The following BOD1L1 variants were observed in gnomAD, a reference collection of about 807,000 sequenced individuals.
BOD1L1 encodes the protein biorientation of chromosomes in cell division protein 1-like 1.
BOD1L1 carries 86 observed loss-of-function variants against 240.7 expected under a neutral mutation model. That is an observed-to-expected ratio of 0.36 (90% confidence interval 0.30 to 0.43). The LOEUF (loss-of-function observed/expected upper bound fraction) is 0.43, where lower values mean the gene tolerates loss of function less well. Ranked by LOEUF, BOD1L1 falls within the 20% of genes least tolerant of loss-of-function variation. The probability of loss-of-function intolerance (pLI) is 1.00; values close to 1 mark genes in which losing one functional copy is unlikely to be tolerated. For synonymous variants in BOD1L1, 1,268 were observed against 1,272.3 expected, an observed-to-expected ratio of 1.00 and a Z score of 0.07; for missense variants, 3,554 against 3,643.5, an observed-to-expected ratio of 0.98 and a Z score of 0.63.
In BOD1L1 at chr4:13,601,650, C is replaced by A. The variant is rs554931343; in HGVS notation, c.5250G>T (p.Arg1750=). Residue 1750 remains arginine, a synonymous_variant, in exon 10 of 26, where the codon CGG becomes CGT. Coordinates refer to ENST00000040738, the MANE Select transcript of BOD1L1 (RefSeq NM_148894.3). The part of the protein sequence containing the change: ...VICSVTGAGP[R]EERMVTGAGV... ...CTGCACCTGTAACCATGCGTTCCTCCCGGGGCCCTGCTCCAGTTACTGAGC... is the reference window on the plus strand; with the variant it reads ...CTGCACCTGTAACCATGCGTTCCTCACGGGGCCCTGCTCCAGTTACTGAGC... 4 of 1,613,990 alleles carry A rather than the reference C, an allele frequency of 2.5e-6. No homozygotes were observed. The highest frequency in any genetic ancestry group is 1.1e-5 in the South Asian group (1 of 91,078).
At position 13,615,299 on chromosome 4, in the gene BOD1L1, A is replaced by G. The variant is rs1716499327; in HGVS notation, c.559+13T>C. On this transcript the variant is annotated intron_variant, in intron 3 of 25. Coordinates refer to ENST00000040738, the MANE Select transcript of BOD1L1 (RefSeq NM_148894.3). ...AAAAACAATGGAACTGACCAAGAGT[A>G]AAAGCAAAGCACCTTGTGTAATAAG... 1 of 1,590,990 alleles carries G rather than the reference A, an allele frequency of 6.3e-7. No homozygotes were observed. The highest frequency in any genetic ancestry group is 8.6e-7 in the Non-Finnish European group (1 of 1,167,452).
Position 13,601,596 on chromosome 4 carries a change from T to A in BOD1L1, c.5304A>T (p.Pro1768=), listed in dbSNP as rs1481853335. 6.2e-7 allele frequency: 1 copy of A among 1,614,018 alleles called. No individual in the cohort carries two copies. Among genetic ancestry groups the A allele is most frequent in the South Asian group, 1.1e-5 (1 of 91,086 alleles). ...AGVVLGDNDA[P]PGTSASQEGD... ...CTTCTTGGCTGGCACTTGTTCCTGG[T>A]GGTGCATCATTATCTCCCAGGACAA... Residue 1768 remains proline (P), a synonymous_variant, in exon 10 of 26, where the codon CCA becomes CCT. Coordinates refer to ENST00000040738, the MANE Select transcript of BOD1L1 (RefSeq NM_148894.3).
intron 17 of BOD1L1, among the ~76,000 whole-genome samples, chr4:13,585,779 G>A (rs2108902953): frequency 6.6e-6 from 1 of 152,270 alleles, no homozygotes; most frequent in East Asian, 1.9e-4. Context: ...TCTCCTGACA[G>A]TGAATAAGTC....
chr4:13,602,430 A>T lies in BOD1L1; in HGVS notation c.4470T>A (p.Ser1490=). ...SEVDTSAGSG[S]APSVLHQRNG... is the part of the protein sequence containing the mutation. ...TCCTTTGGTGTAAAACAGAGGGTGC[A>T]GAGCCACTTCCAGCACTGGTGTCTA... Residue 1490 remains serine, a synonymous_variant, in exon 10 of 26, where the codon TCT becomes TCA. Coordinates refer to ENST00000040738, the MANE Select transcript of BOD1L1 (RefSeq NM_148894.3). 6.2e-7 allele frequency: 1 copy of T among 1,614,036 alleles called. No homozygotes were observed. The highest frequency in any genetic ancestry group is 8.5e-7 in the Non-Finnish European group (1 of 1,179,890).
At chr4:13,592,744 C>T (rs188278832) in intron 12 of BOD1L1, 1 of 152,314 alleles carries the variant, frequency 6.6e-6, no homozygotes, top group Admixed American at 6.5e-5. Context: ...GCTGACACTT[C>T]TTACGAGTCT....
At chr4:13,576,735 A>C in intron 25 of BOD1L1, 103 bp downstream of exon 25, 1 of 1,387,466 alleles carries the variant, frequency 7.2e-7, no homozygotes, top group East Asian at 2.4e-5. Context: ...CTTCCACTGC[A>C]GCATGAATGA....
intron 25 of BOD1L1, among the ~76,000 whole-genome samples, chr4:13,574,553 G>T (rs983708276): frequency 6.6e-6 from 1 of 152,100 alleles, no homozygotes; most frequent in South Asian, 2.1e-4. Flanking sequence ...ACACTCACTC[G>T]AAGATGGCTA....
At chr4:13,622,153 C>A (rs900827423) in intron 1 of BOD1L1, among the ~76,000 whole-genome samples, 4 of 152,164 alleles carry the variant, frequency 2.6e-5, no homozygotes. Context: ...GTGTCAGCCA[C>A]CATACCCAGC....
intron 25 of BOD1L1, among the ~76,000 whole-genome samples, chr4:13,574,552 C>T (rs889296147): frequency 3.3e-5 from 5 of 152,166 alleles, no homozygotes; most frequent in Admixed American, 1.3e-4. Flanking sequence ...GACACTCACT[C>T]GAAGATGGCT....
At chr4:13,595,430 C>G (rs1321057724) in intron 12 of BOD1L1, among the ~76,000 whole-genome samples, 1 of 152,086 alleles carries the variant, frequency 6.6e-6, no homozygotes, top group African/African-American at 2.4e-5. Context: ...AAGCTGAGAG[C>G]AGTATCTGTG....
chr4:13,603,915 T>C lies in BOD1L1; in HGVS notation c.2985A>G (p.Pro995=), dbSNP rs1363716910. ...QKDSSHRAKL[P]LAKEKYKSDK... ...CACTCTTATATTTCTCCTTTGCTAA[T>C]GGTAACTTGGCTCTATGACTAGAAT... Residue 995 remains proline, a synonymous_variant, in exon 10 of 26, where the codon CCA becomes CCG. Coordinates refer to ENST00000040738, the MANE Select transcript of BOD1L1 (RefSeq NM_148894.3). 1.2e-6 allele frequency: 2 copies of C among 1,613,950 alleles called. No homozygotes were observed. Among genetic ancestry groups the C allele is most frequent in the Non-Finnish European group, 1.7e-6 (2 of 1,179,880 alleles).
chr4:13,607,216 G>C, intron 8 of BOD1L1, 27 bp from the exon 9 acceptor site: 1 of 1,413,260 alleles, frequency 7.1e-7, no homozygotes, highest in Non-Finnish European at 9.4e-7. Context: ...CAAATATAAA[G>C]CATGAATCAA....
At chr4:13,626,657 T>C (rs1373657369) in intron 1 of BOD1L1, among the ~76,000 whole-genome samples, 1 of 152,222 alleles carries the variant, frequency 6.6e-6, no homozygotes, top group South Asian at 2.1e-4. Flanking sequence ...TTCCCTTCTC[T>C]ACATTACTCT....
Position 13,614,713 on chromosome 4 carries a change from C to A in BOD1L1, c.657G>T (p.Arg219Ser). 2 of 1,613,828 alleles carry A rather than the reference C, an allele frequency of 1.2e-6. No homozygotes were observed. Among genetic ancestry groups the A allele is most frequent in the Middle Eastern group, 1.6e-4 (1 of 6,062 alleles). ...TGGCATTTGATGTTTCTGTTGAAGCCCTAGCAGCACTGGCTTCTTGGTTAA... is the reference window on the plus strand; with the variant it reads ...TGGCATTTGATGTTTCTGTTGAAGCACTAGCAGCACTGGCTTCTTGGTTAA... Reference protein sequence around the residue: ...TSLNQEASAARASTETSNAKT... With the variant: ...TSLNQEASAASASTETSNAKT... The change falls in exon 4 of 26, where the codon AGG becomes AGT. Residue 219 changes from arginine (R) to serine (S), a missense_variant. By Grantham distance (110) the Arg-to-Ser change is moderately radical (BLOSUM62 -1). Coordinates refer to ENST00000040738, the MANE Select transcript of BOD1L1 (RefSeq NM_148894.3).
chr4:13,624,673 G>A (rs1040772414), intron 1 of BOD1L1: 5 of 152,210 alleles, frequency 3.3e-5, no homozygotes, highest in Middle Eastern at 6.8e-3. Flanking sequence ...CACCCACCTC[G>A]GCCTCCCAGA....
chr4:13,574,674 C>G (rs1476071189), intron 25 of BOD1L1, among the ~76,000 whole-genome samples: 1 of 152,068 alleles, frequency 6.6e-6, no homozygotes, highest in Non-Finnish European at 1.5e-5. Context: ...GGGTGTTGGG[C>G]TCCAGCACCC....
At chr4:13,585,968 G>A (rs1204406567) in intron 17 of BOD1L1, among the ~76,000 whole-genome samples, 2 of 152,194 alleles carry the variant, frequency 1.3e-5, no homozygotes, top group Non-Finnish European at 2.9e-5. Flanking sequence ...CCCAGTCTCA[G>A]GTATGTCTTT....
intron 7 of BOD1L1, among the ~76,000 whole-genome samples, chr4:13,608,908 G>A (rs1715943014): frequency 6.6e-6 from 1 of 152,080 alleles, no homozygotes; most frequent in Non-Finnish European, 1.5e-5. Flanking sequence ...TGCCCAGAGG[G>A]AATACAATTT....
intron 25 of BOD1L1, chr4:13,572,662 A>G (rs1284575417): frequency 3.0e-5 from 39 of 1,280,226 alleles, no homozygotes; most frequent in Non-Finnish European, 4.0e-5. Flanking sequence ...AAATAGTCTT[A>G]GGGGGTTAAA....
Sources: gnomAD v4.1 joint callset for allele counts (sites outside exome capture counted in the v4.1 genomes callset) on GRCh38, gnomAD v4.1.1 for gene constraint, MANE v1.5 for transcripts, NCBI Gene and HGNC (gene_info 2026-07-23, HGNC 2026-07-21) for gene names.